Variants in IL6ST observed in about 807,000 individuals in gnomAD.
IL6ST encodes the protein interleukin-6 receptor subunit beta.
IL6ST carries 24 observed loss-of-function variants against 91.3 expected under a neutral mutation model. The observed-to-expected ratio is 0.26, with a 90% CI of 0.19 to 0.37. IL6ST has a LOEUF of 0.37. IL6ST is among the 10% of genes least tolerant of loss of function. The probability of loss-of-function intolerance (pLI) is 1.00; values close to 1 mark genes in which losing one functional copy is unlikely to be tolerated. For synonymous variants in IL6ST, 351 were observed against 373.6 expected, an observed-to-expected ratio of 0.94 and a Z score of 0.70; for missense variants, 914 against 1,078.5, an observed-to-expected ratio of 0.85 and a Z score of 2.14.
chr5:55,970,729 A>C (rs1026001681), intron 3 of IL6ST, among the ~76,000 whole-genome samples: 1 of 152,084 alleles, frequency 6.6e-6, no homozygotes, highest in African/African-American at 2.4e-5. Context: ...CAACATGCTA[A>C]AACCCAGTCT....
Position 55,963,455 on chromosome 5 carries a change from G to A in IL6ST, c.710C>T (p.Ser237Phe), listed in dbSNP as rs773736097. The A allele has an allele frequency of 6.2e-6, 10 of 1,608,152 alleles. No homozygotes were observed. Among genetic ancestry groups the A allele is most frequent in the South Asian group, 5.5e-5 (5 of 90,852 alleles). Reference sequence around the variant, plus strand: ...GGTCCATGTCAATTTTAAGATACTAGACAGTTCCTCTGAGTTGATCACTGA... The same window carrying A: ...GGTCCATGTCAATTTTAAGATACTAAACAGTTCCTCTGAGTTGATCACTGA... ...NLSVINSEELSSILKLTWTNP... is the reference protein window; with the variant it reads ...NLSVINSEELFSILKLTWTNP... Residue 237 changes from serine to phenylalanine, a missense_variant, in exon 7 of 17, where the codon TCT becomes TTT. Coordinates refer to ENST00000381298, the MANE Select transcript of IL6ST (RefSeq NM_002184.4).
intron 1 of IL6ST, among the ~76,000 whole-genome samples, chr5:55,986,189 T>C (rs1291310726): frequency 6.6e-6 from 1 of 152,256 alleles, no homozygotes; most frequent in Non-Finnish European, 1.5e-5. Context: ...CTACTACTTC[T>C]ATCATTGTTC....
At position 55,982,634 on chromosome 5, in the gene IL6ST, C is replaced by T. The variant is rs115394185; in HGVS notation, c.-16+90G>A. The T allele has an allele frequency of 1.5e-3, 613 of 395,526 alleles. 1 individual carries two copies. Among genetic ancestry groups the T allele is most frequent in the African/African-American group, 0.012 (576 of 48,590 alleles). 24.5% of individuals were successfully genotyped at this position (395,526 alleles called of 1,614,324 possible). A position where few individuals can be genotyped will look rare whatever the true frequency, so the allele number is the denominator to read the frequency against. ...TTATTTCACTTTAGTCTCCTAATAT[C>T]CTAAAGAATCAGGTGAGTAGGGCAG... On this transcript the variant is annotated intron_variant, in intron 2 of 16. Transcript: ENST00000381298.
Position 55,947,499 on chromosome 5 carries a change from C to T in IL6ST, c.1931G>A (p.Arg644Gln), listed in dbSNP as rs768979387. Reference sequence around the variant, plus strand: ...TATGAATAAAGTTACTTACAGGTCTCGCTTATTAAAGCAGAACAGCACTCC... The same window carrying T: ...TATGAATAAAGTTACTTACAGGTCTTGCTTATTAAAGCAGAACAGCACTCC... Reference protein sequence around the residue: ...LLGVLFCFNKRDLIKKHIWPN... With the variant: ...LLGVLFCFNKQDLIKKHIWPN... The change falls in exon 15 of 17, where the codon CGA becomes CAA. Residue 644 changes from arginine to glutamine, a missense_variant. Transcript: ENST00000381298. 35 of 1,550,578 alleles carry T rather than the reference C, an allele frequency of 2.3e-5. No individual in the cohort carries two copies. The highest frequency in any genetic ancestry group is 3.7e-5 in the Admixed American group (2 of 53,834).
chr5:55,958,005 T>A (rs1420460634), intron 8 of IL6ST, among the ~76,000 whole-genome samples: 3 of 152,224 alleles, frequency 2.0e-5, no homozygotes, highest in African/African-American at 7.2e-5. Context: ...AATAAGTTTA[T>A]TACTTTATAT....
chr5:55,941,926 T>TTA (rs1750947724), intron 16 of IL6ST, 107 bp from the exon 17 acceptor site: 1 of 928,128 alleles, frequency 1.1e-6, no homozygotes, highest in African/African-American at 1.7e-5. Context: ...ATAACCTGTA[T>TTA]TATGTCACTA....
intron 3 of IL6ST, among the ~76,000 whole-genome samples, chr5:55,972,443 C>T (rs915540456): frequency 1.3e-5 from 2 of 151,770 alleles, no homozygotes; most frequent in Admixed American, 6.6e-5. Context: ...ACCCAGGAGG[C>T]GGAGCTTGCA....
Position 55,957,237 on chromosome 5 carries a change from C to A in IL6ST, c.1028G>T (p.Gly343Val). Reference sequence around the variant, plus strand: ...CCACACGAGTTGTACAGTTCTGTAGCCTTGAGTATGGGATGGATCTATTTT... The same window carrying A: ...CCACACGAGTTGTACAGTTCTGTAGACTTGAGTATGGGATGGATCTATTTT... ...WYKIDPSHTQ[G>V]YRTVQLVWKT... Residue 343 changes from glycine to valine, a missense_variant, in exon 9 of 17, where the codon GGC becomes GTC. Physicochemically the swap from Gly to Val is moderately radical, Grantham distance 109. Coordinates refer to ENST00000381298, the MANE Select transcript of IL6ST (RefSeq NM_002184.4). 6.4e-7 allele frequency: 1 copy of A among 1,565,170 alleles called. No individual in the cohort carries two copies. Among genetic ancestry groups the A allele is most frequent in the South Asian group, 1.2e-5 (1 of 85,222 alleles).
rs895377397 is a variant in IL6ST at position 55,935,584 on chromosome 5, A to T, written c.*5498T>A. On this transcript the variant is annotated 3_prime_UTR_variant, in exon 17 of 17. Transcript: ENST00000381298. ...ACTCAAGCTGTTCACCCTGCTTTCG[A>T]GTTGGCTGAGCTTCCTGCTGCTTTC... is the stretch of plus-strand genomic sequence containing the variant. 1.8e-5 allele frequency: 4 copies of T among 218,646 alleles called. No individual in the cohort carries two copies. The highest frequency in any genetic ancestry group is 5.8e-5 in the Admixed American group (1 of 17,254). 13.5% of individuals were successfully genotyped at this position (218,646 alleles called of 1,614,324 possible). A position where few individuals can be genotyped will look rare whatever the true frequency, so the allele number is the denominator to read the frequency against.
intron 6 of IL6ST, 41 bp from the exon 7 acceptor site, chr5:55,963,547 A>C (rs755308668): frequency 3.5e-6 from 5 of 1,426,912 alleles, no homozygotes; most frequent in Non-Finnish European, 4.9e-6. Context: ...TATGTTTTCC[A>C]ATTTCATATA....
chr5:55,946,244 T>C (rs190023687), intron 15 of IL6ST, among the ~76,000 whole-genome samples: 1 of 152,292 alleles, frequency 6.6e-6, no homozygotes, highest in East Asian at 1.9e-4. Context: ...GGTGATAATA[T>C]GGAACACTGC....
chr5:55,942,610 C>T, intron 16 of IL6ST, 60 bp downstream of exon 16: 1 of 844,888 alleles, frequency 1.2e-6, no homozygotes, highest in Non-Finnish European at 2.0e-6. Context: ...ACTGTAGATA[C>T]TCAATATACC....
intron 15 of IL6ST, 36 bp downstream of exon 15, chr5:55,947,457 G>A (rs747184489): frequency 1.2e-5 from 13 of 1,120,574 alleles, no homozygotes; most frequent in Non-Finnish European, 1.7e-5. Context: ...CAATAAAGCT[G>A]GGGGAAAATG....
In IL6ST at chr5:55,954,967, T is replaced by C; in HGVS notation, c.1293A>G (p.Lys431=). The C allele has an allele frequency of 6.2e-7, 1 of 1,610,118 alleles. No individual in the cohort carries two copies. The highest frequency in any genetic ancestry group is 8.5e-7 in the Non-Finnish European group (1 of 1,177,698). The change falls in exon 11 of 17, where the codon AAA becomes AAG. Residue 431 remains lysine, a synonymous_variant. Transcript: ENST00000381298. ...FQATHPVMDL[K]AFPKDNMLWV... is the part of the protein sequence containing the mutation. ...AAAGCATGTTATCTTTGGGGAATGC[T>C]TTAAGATCCATTACAGGGTGAGTAG... is the stretch of plus-strand genomic sequence containing the variant.
At position 55,963,469 on chromosome 5, in the gene IL6ST, G is replaced by C. The variant is rs771290554; in HGVS notation, c.696C>G (p.Asn232Lys). ...PNPPHNLSVI[N>K]SEELSSILKL... ...TTAAGATACTAGACAGTTCCTCTGA[G>C]TTGATCACTGATAAATTATGTGGCG... Residue 232 changes from asparagine to lysine, a missense_variant, in exon 7 of 17, where the codon AAC becomes AAG. Physicochemically the swap from Asn to Lys is moderately conservative, Grantham distance 94 (BLOSUM62 0). Coordinates refer to ENST00000381298, the MANE Select transcript of IL6ST (RefSeq NM_002184.4). The C allele has an allele frequency of 1.2e-6, 2 of 1,609,336 alleles. No homozygotes were observed. The highest frequency in any genetic ancestry group is 3.4e-5 in the Admixed American group (2 of 59,482).
rs770207108 is a variant in IL6ST at position 55,942,700 on chromosome 5, A to G, written c.1989T>C (p.Ile663=). The G allele has an allele frequency of 5.0e-6, 8 of 1,609,170 alleles. No individual in the cohort carries two copies. The highest frequency in any genetic ancestry group is 6.8e-6 in the Non-Finnish European group (8 of 1,176,652). Residue 663 remains isoleucine, a synonymous_variant, in exon 16 of 17, where the codon ATT becomes ATC. Transcript: ENST00000381298. ...PNVPDPSKSH[I]AQWSPHTPPR... Reference sequence around the variant, plus strand: ...GAGGAGTGTGAGGTGACCACTGGGCAATATGACTCTTTGAAGGATCTGGAA... The same window carrying G: ...GAGGAGTGTGAGGTGACCACTGGGCGATATGACTCTTTGAAGGATCTGGAA...
In IL6ST at chr5:55,969,563, T is replaced by C. The variant is rs1250749672; in HGVS notation, c.357A>G (p.Thr119=). Residue 119 remains threonine, a synonymous_variant, in exon 4 of 17, where the codon ACA becomes ACG. Transcript: ENST00000381298. ...AACAAAACTTACAGCCTGAAATTAT[T>C]GTGATTCCATAAACATTCTGTTCAA... is the stretch of plus-strand genomic sequence containing the variant. ...GQLEQNVYGI[T]IISGLPPEKP... The C allele has an allele frequency of 2.5e-6, 4 of 1,606,772 alleles. No individual in the cohort carries two copies. Among genetic ancestry groups the C allele is most frequent in the Non-Finnish European group, 3.4e-6 (4 of 1,174,688 alleles).
intron 4 of IL6ST, among the ~76,000 whole-genome samples, chr5:55,969,329 G>T (rs182812665): frequency 1.3e-5 from 2 of 151,576 alleles, no homozygotes; most frequent in East Asian, 1.9e-4. Context: ...TGGTGGGGGG[G>T]GTCTCATGTC....
At position 55,956,090 on chromosome 5, in the gene IL6ST, G is replaced by C; in HGVS notation, c.1202C>G (p.Thr401Arg). The change falls in exon 10 of 17, where the codon ACA becomes AGA. Residue 401 changes from threonine (T) to arginine (R), a missense_variant. Transcript: ENST00000381298. ...LTNDRYLATLTVRNLVGKSDA... is the reference protein window; with the variant it reads ...LTNDRYLATLRVRNLVGKSDA... ...TGATTTGCCAACAAGATTTCTTACT[G>C]TTAGGGTTGCTAGATAGCGATCATT... 1.2e-6 allele frequency: 2 copies of C among 1,613,532 alleles called. No homozygotes were observed. Among genetic ancestry groups the C allele is most frequent in the East Asian group, 2.2e-5 (1 of 44,864 alleles).
Sources: gnomAD v4.1 joint callset for allele counts (sites outside exome capture counted in the v4.1 genomes callset) on GRCh38, gnomAD v4.1.1 for gene constraint, MANE v1.5 for transcripts, NCBI Gene and HGNC (gene_info 2026-07-23, HGNC 2026-07-21) for gene names.